The following TELO2 variants were observed in gnomAD, a reference collection of about 807,000 sequenced individuals.
TELO2 encodes the protein telomere maintenance 2.
In TELO2, 71 loss-of-function variants were observed where a neutral mutation model predicts 91.0. The observed-to-expected ratio is 0.78, with a 90% CI of 0.64 to 0.95. The LOEUF (loss-of-function observed/expected upper bound fraction) is 0.95, where lower values mean the gene tolerates loss of function less well. Among genes scored for constraint, TELO2 ranks in the 40% least tolerant of loss-of-function variants. The probability of loss-of-function intolerance (pLI) is 0.00; values close to 1 mark genes in which losing one functional copy is unlikely to be tolerated. For synonymous variants in TELO2, 584 were observed against 518.9 expected, an observed-to-expected ratio of 1.13 and a Z score of -1.71; for missense variants, 1,183 against 1,141.3, an observed-to-expected ratio of 1.04 and a Z score of -0.53.
chr16:1,507,630 TCTC>T lies in TELO2; in HGVS notation c.2326_2328del (p.Ser776del), dbSNP rs1471783096. On this transcript the variant is annotated inframe_deletion, in exon 20 of 21. Transcript: ENST00000262319. ...GTGCGCCAGGGGCTGTTGTCGGCCG[TCTC>T]CTCCGTCCTGCTCAGCCTGCCTGCT... 1.3e-6 allele frequency: 2 copies of T among 1,597,152 alleles called. No homozygotes were observed. The highest frequency in any genetic ancestry group is 3.4e-5 in the Admixed American group (2 of 59,588).
intron 3 of TELO2, among the ~76,000 whole-genome samples, chr16:1,495,969 G>A (rs747640135): frequency 3.9e-5 from 6 of 152,234 alleles, no homozygotes; most frequent in South Asian, 2.1e-4. Flanking sequence ...GGCCTTGCCC[G>A]CTGCTGGGCT....
intron 5 of TELO2, among the ~76,000 whole-genome samples, chr16:1,498,583 C>A (rs1488618230): frequency 6.6e-6 from 1 of 152,112 alleles, no homozygotes; most frequent in African/African-American, 2.4e-5. Flanking sequence ...AACACAGGTG[C>A]GCGCTATCAT....
intron 20 of TELO2, 21 bp downstream of exon 20, chr16:1,507,737 T>C (rs2039950496): frequency 1.9e-6 from 3 of 1,591,100 alleles, no homozygotes; most frequent in Non-Finnish European, 2.6e-6. Flanking sequence ...GCCTGCGGTG[T>C]GTGTGTGAGA....
rs747253576 is a variant in TELO2, at chr16:1,501,747, G to A, written c.1446G>A (p.Leu482=). ...ATGGCGGCGTCCCCCAAGCACAGCTGGCGGGCTCTGACTCGGACCTGGACA... is the reference window on the plus strand; with the variant it reads ...ATGGCGGCGTCCCCCAAGCACAGCTAGCGGGCTCTGACTCGGACCTGGACA... ...IVDGGVPQAQ[L]AGSDSDLDSD... is the part of the protein sequence containing the mutation. The change falls in exon 11 of 21, where the codon CTG becomes CTA. Residue 482 remains leucine, a synonymous_variant. Transcript: ENST00000262319. 1.6e-5 allele frequency: 25 copies of A among 1,610,690 alleles called. No homozygotes were observed. The highest frequency in any genetic ancestry group is 2.0e-5 in the Non-Finnish European group (24 of 1,179,834).
Position 1,507,341 on chromosome 16 carries a change from C to T in TELO2, c.2262C>T (p.Phe754=), listed in dbSNP as rs776056609. Residue 754 remains phenylalanine (F), a synonymous_variant, in exon 19 of 21, where the codon TTC becomes TTT. Coordinates refer to ENST00000262319, the MANE Select transcript of TELO2 (RefSeq NM_016111.4). The stretch of plus-strand genomic sequence containing the variant: ...CCATGGGCAAGGCCCTGCTGGAATT[C>T]GTGTGGGCCCTTCGCTTCCACATCG... ...AVAMGKALLE[F]VWALRFHIDA... The T allele has an allele frequency of 2.0e-5, 33 of 1,610,736 alleles. No homozygotes were observed. The South Asian group carries it at 2.7e-4, about 13-fold the overall frequency.
chr16:1,494,457 T>C lies in TELO2; in HGVS notation c.176T>C (p.Phe59Ser). Residue 59 changes from phenylalanine (F) to serine (S), a missense_variant, in exon 2 of 21, where the codon TTC becomes TCC. Phe to Ser is a radical substitution (Grantham distance 155). Coordinates refer to ENST00000262319, the MANE Select transcript of TELO2 (RefSeq NM_016111.4). The surrounding 1 kb of genome is among the most constrained non-coding windows in gnomAD (Gnocchi z 5.6). ...AAGGAGGAGTTTGCCTCGGCCCACT[T>C]CTCGCCTGTCCTCAGATGTCTTGCC... ...REKEEFASAH[F>S]SPVLRCLASR... The C allele has an allele frequency of 6.2e-7, 1 of 1,613,112 alleles. No homozygotes were observed.
At position 1,510,229 on chromosome 16, in the gene TELO2, G is replaced by A. The variant is rs1027621796; in HGVS notation, c.*293G>A. On this transcript the variant is annotated 3_prime_UTR_variant, in exon 21 of 21. Coordinates refer to ENST00000262319, the MANE Select transcript of TELO2 (RefSeq NM_016111.4). ...TTCCAGTGAGGGCAGAACCAGGCTGGCAGGAGGGGAGGACGGTGTACCTGC... is the reference window on the plus strand; with the variant it reads ...TTCCAGTGAGGGCAGAACCAGGCTGACAGGAGGGGAGGACGGTGTACCTGC... 2 of 437,784 alleles carry A rather than the reference G, an allele frequency of 4.6e-6. No individual in the cohort carries two copies. Among genetic ancestry groups the A allele is most frequent in the Admixed American group, 7.2e-5 (2 of 27,844 alleles). The allele number at this position is 437,784 out of a possible 1,614,324, so 27.1% of individuals were successfully genotyped here. A position where few individuals can be genotyped will look rare whatever the true frequency, so the allele number is the denominator to read the frequency against.
In TELO2 at chr16:1,500,577, A is replaced by G. The variant is rs1261353270; in HGVS notation, c.1159A>G (p.Met387Val). The change falls in exon 9 of 21, where the codon ATG becomes GTG. Residue 387 changes from methionine (M) to valine (V), a missense_variant. Met to Val is a conservative substitution (Grantham distance 21). Transcript: ENST00000262319. ...RDSRDELLAS[M>V]MAGVKCRLDS... ...GGTGCTTGCAGAACTGCTGGCCAGC[A>G]TGATGGCGGGCGTGAAGTGCCGCCT... The G allele has an allele frequency of 1.9e-6, 3 of 1,612,010 alleles. No homozygotes were observed. Among genetic ancestry groups the G allele is most frequent in the Non-Finnish European group, 2.5e-6 (3 of 1,179,626 alleles).
Position 1,493,926 on chromosome 16 carries a change from G to T in TELO2, c.-36-320G>T, listed in dbSNP as rs539703975. Among the ~76,000 whole-genome samples, 3 of 152,356 alleles carry T rather than the reference G, an allele frequency of 2.0e-5. No homozygotes were observed. The South Asian group carries it at 6.2e-4, about 32-fold the overall frequency. ...GCGAGGACGCGTGGGGCCGCGCTGT[G>T]CCCGGGGAACACTCACCAGCATCTC... is the stretch of plus-strand genomic sequence containing the variant. On this transcript the variant is annotated intron_variant, in intron 1 of 20. Transcript: ENST00000262319. This position sits in a 1 kb window ranked among gnomAD's most constrained non-coding sequence, Gnocchi z 4.3.
At chr16:1,508,650 C>T (rs990330047) in intron 20 of TELO2, among the ~76,000 whole-genome samples, 1 of 152,162 alleles carries the variant, frequency 6.6e-6, no homozygotes, top group African/African-American at 2.4e-5. Context: ...TGGGGCTGGG[C>T]TGTGTGCCTC....
chr16:1,494,290 A>C lies in TELO2; in HGVS notation c.9A>C (p.Pro3=). The change falls in exon 2 of 21, where the codon CCA becomes CCC. Residue 3 remains proline, a synonymous_variant. Transcript: ENST00000262319. This position sits in a 1 kb window ranked among gnomAD's most constrained non-coding sequence, Gnocchi z 5.6. ...CAGATCTGTCCTGCAGGATGGAGCCAGCACCCTCAGAGGTTCGACTCGCCG... is the reference window on the plus strand; with the variant it reads ...CAGATCTGTCCTGCAGGATGGAGCCCGCACCCTCAGAGGTTCGACTCGCCG... ME[P]APSEVRLAVR... is the part of the protein sequence containing the mutation. 1 of 1,612,458 alleles carries C rather than the reference A, an allele frequency of 6.2e-7. No individual in the cohort carries two copies.
Position 1,502,827 on chromosome 16 carries a change from C to T in TELO2, c.1770+66C>T, listed in dbSNP as rs546482484. The T allele has an allele frequency of 5.3e-5, 85 of 1,601,690 alleles. No homozygotes were observed. In the South Asian group the frequency reaches 6.4e-4, roughly 12 times the overall value. On this transcript the variant is annotated intron_variant, in intron 14 of 20. Transcript: ENST00000262319. ...GCGGGAAGCACTGGGAGCTGCGGTG[C>T]CTGAGTCTCGGTCCTGTGCTGGAGC...
rs1393596340 is a variant in TELO2, at chr16:1,494,134, G to A, written c.-36-112G>A. 3 of 686,244 alleles carry A rather than the reference G, an allele frequency of 4.4e-6. No homozygotes were observed. The highest frequency in any genetic ancestry group is 1.8e-5 in the African/African-American group (1 of 55,584). 42.5% of individuals were successfully genotyped at this position (686,244 alleles called of 1,614,324 possible). ...GAGGGGAAGGAGGCGGGACAGGGTT[G>A]GGTGGGACCAGGGTTGAGGGGTGTG... On this transcript the variant is annotated intron_variant, in intron 1 of 20. Coordinates refer to ENST00000262319, the MANE Select transcript of TELO2 (RefSeq NM_016111.4). This position sits in a 1 kb window ranked among gnomAD's most constrained non-coding sequence, Gnocchi z 5.6.
chr16:1,501,304 AC>A, intron 9 of TELO2, 115 bp from the exon 10 acceptor site: 1 of 1,102,354 alleles, frequency 9.1e-7, no homozygotes, highest in South Asian at 1.4e-5. Context: ...GGGCCCAGCC[AC>A]TGAGTGAGAC....
At chr16:1,496,977 T>G in intron 3 of TELO2, 59 bp from the exon 4 acceptor site, 4 of 1,555,182 alleles carry the variant, frequency 2.6e-6, no homozygotes, top group Non-Finnish European at 3.5e-6. Context: ...TCCCCACACC[T>G]AGATGTTCTT....
intron 17 of TELO2, 31 bp from the exon 18 acceptor site, chr16:1,506,921 G>T: frequency 6.3e-7 from 1 of 1,576,756 alleles, no homozygotes; most frequent in Non-Finnish European, 8.6e-7. Context: ...TGAGGCACCC[G>T]CTGCACCTTG....
intron 3 of TELO2, among the ~76,000 whole-genome samples, chr16:1,495,929 G>A (rs1280194817): frequency 6.6e-6 from 1 of 152,238 alleles, no homozygotes; most frequent in Non-Finnish European, 1.5e-5. Context: ...AGACGCTGGC[G>A]GTGCCCTGGA....
chr16:1,502,041 C>G lies in TELO2; in HGVS notation c.1473-6C>G. On this transcript the variant is annotated splice_region_variant and splice_polypyrimidine_tract_variant and intron_variant, in intron 11 of 20. Transcript: ENST00000262319. The stretch of plus-strand genomic sequence containing the variant: ...GGCTGCTCATGTCTGCTTTGCTCTC[C>G]CACAGCGATGATGAGTTTGTCCCCT... 6.2e-7 allele frequency: 1 copy of G among 1,613,332 alleles called. No homozygotes were observed. Among genetic ancestry groups the G allele is most frequent in the Non-Finnish European group, 8.5e-7 (1 of 1,179,974 alleles).
rs1567294727 is a variant in TELO2, at chr16:1,497,411, A to G, written c.733A>G (p.Ser245Gly). The G allele has an allele frequency of 2.6e-6, 4 of 1,553,270 alleles. No homozygotes were observed. The East Asian group carries it at 7.3e-5, about 28-fold the overall frequency. ...VPRLAALTQG[S>G]YLHQRVCWRL... is the part of the protein sequence containing the mutation. ...CCGGCTGGCAGCGCTCACCCAGGGC[A>G]GCTACCTGCACCAGCGCGTCTGCTG... The change falls in exon 5 of 21, where the codon AGC (serine) becomes GGC (glycine). Residue 245 changes from serine to glycine, a missense_variant. Physicochemically the swap from Ser to Gly is moderately conservative, Grantham distance 56. Coordinates refer to ENST00000262319, the MANE Select transcript of TELO2 (RefSeq NM_016111.4). The surrounding 1 kb of genome is among the most constrained non-coding windows in gnomAD (Gnocchi z 4.0).
Sources: gnomAD v4.1 joint callset for allele counts (sites outside exome capture counted in the v4.1 genomes callset) on GRCh38, gnomAD v4.1.1 for gene constraint, Gnocchi (gnomAD v3.1) non-coding constraint, MANE v1.5 for transcripts, NCBI Gene and HGNC (gene_info 2026-07-23, HGNC 2026-07-21) for gene names.